Variants in ATP2A3 observed in about 807,000 individuals in gnomAD.
ATP2A3 encodes sarcoplasmic/endoplasmic reticulum calcium ATPase 3.
ATP2A3 carries 61 observed loss-of-function variants against 106.8 expected under a neutral mutation model. The ratio of observed to expected loss-of-function variants is 0.57; its 90% CI spans 0.46 to 0.71. ATP2A3 has a LOEUF of 0.71. Ranked by LOEUF, ATP2A3 falls within the 30% of genes least tolerant of loss-of-function variation. The pLI, the probability that ATP2A3 is intolerant of heterozygous loss-of-function variation, is 0.00. For synonymous variants in ATP2A3, 611 were observed against 609.3 expected, an observed-to-expected ratio of 1.00 and a Z score of -0.04; for missense variants, 1,201 against 1,423.5, an observed-to-expected ratio of 0.84 and a Z score of 2.52.
chr17:3,941,802 G>C (rs1597615685), intron 12 of ATP2A3, 148 bp from the exon 13 acceptor site: 1 of 831,790 alleles, frequency 1.2e-6, no homozygotes, highest in East Asian at 2.7e-5. Flanking sequence ...TCCATTCACT[G>C]AAAGTTCAGA....
chr17:3,937,167 T>C, intron 15 of ATP2A3: 1 of 555,196 alleles, frequency 1.8e-6, no homozygotes, highest in Non-Finnish European at 3.2e-6. Flanking sequence ...GCTGGAGGGC[T>C]GACAGGCGAC....
chr17:3,953,247 G>A lies in ATP2A3; in HGVS notation c.219+100C>T, dbSNP rs1236475486. 3 of 1,346,074 alleles carry A rather than the reference G, an allele frequency of 2.2e-6. No homozygotes were observed. Among genetic ancestry groups the A allele is most frequent in the Admixed American group, 1.7e-5 (1 of 59,546 alleles). 83.4% of individuals were successfully genotyped at this position (1,346,074 alleles called of 1,614,324 possible). A position where few individuals can be genotyped will look rare whatever the true frequency, so the allele number is the denominator to read the frequency against. On this transcript the variant is annotated intron_variant, in intron 3 of 20. Coordinates refer to ENST00000397041, the MANE Select transcript of ATP2A3 (RefSeq NM_005173.4). This position sits in a 1 kb window ranked among gnomAD's most constrained non-coding sequence, Gnocchi z 5.1. ...GGCCAGGGCGCAGGCCCAGGGTGTG[G>A]AGGACAGGCCCAGGCTCCAGGACCT...
chr17:3,958,671 C>T (rs974451731), intron 1 of ATP2A3, among the ~76,000 whole-genome samples: 1 of 150,540 alleles, frequency 6.6e-6, no homozygotes, highest in Admixed American at 6.7e-5. Context: ...TGTTGATAAT[C>T]CCGTTTTGCA....
chr17:3,928,723 A>G lies in ATP2A3; in HGVS notation c.2920T>C (p.Ser974Pro). ...TCATCCAGCAGGATGACAGGCAGAG[A>G]TATCTGGAGCACCACCACCCACTGG... ...GRQWVVVLQI[S>P]LPVILLDEAL... The change falls in exon 20 of 21, where the codon TCT (serine) becomes CCT (proline). Residue 974 changes from serine to proline, a missense_variant. Physicochemically the swap from Ser to Pro is moderately conservative, Grantham distance 74 (BLOSUM62 -1). Around this residue, in one of 2 missense-constraint regions of ATP2A3, gnomAD observed 935 missense variants for 1,176.7 expected, o/e 0.79. Coordinates refer to ENST00000397041, the MANE Select transcript of ATP2A3 (RefSeq NM_005173.4). This position sits in a 1 kb window ranked among gnomAD's most constrained non-coding sequence, Gnocchi z 6.1. 4 of 1,551,548 alleles carry G rather than the reference A, an allele frequency of 2.6e-6. No homozygotes were observed. Among genetic ancestry groups the G allele is most frequent in the Non-Finnish European group, 3.5e-6 (4 of 1,147,282 alleles).
intron 3 of ATP2A3, among the ~76,000 whole-genome samples, chr17:3,952,417 G>A (rs1230675572): frequency 1.3e-5 from 2 of 152,200 alleles, no homozygotes; most frequent in African/African-American, 4.8e-5. Context: ...TTAGCCAGGG[G>A]AGCATCAGTG....
Position 3,947,341 on chromosome 17 carries a change from G to A in ATP2A3, c.1095+50C>T. 6.2e-7 allele frequency: 1 copy of A among 1,605,422 alleles called. No homozygotes were observed. The highest frequency in any genetic ancestry group is 8.5e-7 in the Non-Finnish European group (1 of 1,173,812). ...GGTGGGGGAGAGACCCAGAGAGGGA[G>A]CCCAGCCTGCTCTGCAACGCACAGC... On this transcript the variant is annotated intron_variant, in intron 8 of 20. Coordinates refer to ENST00000397041, the MANE Select transcript of ATP2A3 (RefSeq NM_005173.4). The surrounding 1 kb of genome is among the most constrained non-coding windows in gnomAD (Gnocchi z 7.7).
intron 17 of ATP2A3, among the ~76,000 whole-genome samples, chr17:3,932,081 C>T: frequency 6.6e-6 from 1 of 152,194 alleles, no homozygotes; most frequent in East Asian, 1.9e-4. Context: ...GACGTTTTCT[C>T]CAAAACTCAA....
At chr17:3,951,558 G>GCCCCCCCC in intron 4 of ATP2A3, 23 bp downstream of exon 4, 1 of 716,228 alleles carries the variant, frequency 1.4e-6, no homozygotes, top group Non-Finnish European at 2.1e-6. Context: ...CCCCCGCCCG[G>GCCCCCCCC]TCCCACCCCC....
chr17:3,951,534 G>A, intron 4 of ATP2A3, 47 bp downstream of exon 4: 2 of 1,550,044 alleles, frequency 1.3e-6, no homozygotes, highest in Non-Finnish European at 1.7e-6. Context: ...CACTCCTAGT[G>A]GCTGGGAGAC....
intron 14 of ATP2A3, among the ~76,000 whole-genome samples, chr17:3,938,988 G>A (rs2053595194): frequency 6.6e-6 from 1 of 152,114 alleles, no homozygotes; most frequent in South Asian, 2.1e-4. Flanking sequence ...GCAACATAGG[G>A]AGACCTCATC....
At chr17:3,938,815 G>A (rs2053585473) in intron 14 of ATP2A3, among the ~76,000 whole-genome samples, 1 of 152,172 alleles carries the variant, frequency 6.6e-6, no homozygotes, top group African/African-American at 2.4e-5. Context: ...GGGATTACAG[G>A]CGTGAGCCAC....
rs751457925 is a variant in ATP2A3 at position 3,941,553 on chromosome 17, G to A, written c.1647C>T (p.Ile549=). 1.1e-5 allele frequency: 18 copies of A among 1,613,644 alleles called. No homozygotes were observed. Among genetic ancestry groups the A allele is most frequent in the Admixed American group, 1.7e-5 (1 of 60,012 alleles). ...PTSREQILAK[I]RDWGSGSDTL... is the part of the protein sequence containing the mutation. ...TGTCTGAGCCTGAGCCCCAATCCCG[G>A]ATCTTTGCCAGGATCTGCTCCCTGG... is the stretch of plus-strand genomic sequence containing the variant. Residue 549 remains isoleucine (I), a synonymous_variant, in exon 13 of 21, where the codon ATC becomes ATT. Coordinates refer to ENST00000397041, the MANE Select transcript of ATP2A3 (RefSeq NM_005173.4).
At position 3,941,640 on chromosome 17, in the gene ATP2A3, ACT is replaced by A; in HGVS notation, c.1558_1559del (p.Ser520CysfsTer6). 4 of 1,608,046 alleles carry A rather than the reference ACT, an allele frequency of 2.5e-6. No individual in the cohort carries two copies. Among genetic ancestry groups the A allele is most frequent in the Non-Finnish European group, 3.4e-6 (4 of 1,179,948 alleles). ...GGACTGAGCTACAGCGCTCGATCAC[ACT>A]CTCAGGAGCCCCCTGCGAGGTGGGG... ...SKMFVKGAPE[S>X]VIERCSSVRV... On this transcript the variant is annotated frameshift_variant, in exon 13 of 21. Transcript: ENST00000397041. LOFTEE classifies it high-confidence loss of function.
Position 3,951,200 on chromosome 17 carries a change from T to A in ATP2A3, c.463+51A>T, listed in dbSNP as rs552072570. On this transcript the variant is annotated intron_variant, in intron 5 of 20. Coordinates refer to ENST00000397041, the MANE Select transcript of ATP2A3 (RefSeq NM_005173.4). ...AAAATAAATAAATAAATAAATAAAA[T>A]AAATAAATAAATAAAATAAAATAAA... 3,531 of 1,210,068 alleles carry A rather than the reference T, an allele frequency of 2.9e-3. 72 individuals are homozygous for A. The African/African-American group carries it at 0.046, about 16-fold the overall frequency. The allele number at this position is 1,210,068 out of a possible 1,614,324, so 75.0% of individuals were successfully genotyped here. A position where few individuals can be genotyped will look rare whatever the true frequency, so the allele number is the denominator to read the frequency against.
At position 3,964,171 on chromosome 17, in the gene ATP2A3, C is replaced by A; in HGVS notation, c.118+3G>T. ...CCCGGCCCGGCCCGGCCCGCGCGCT[C>A]ACCGTTGGGGCCGTAGCGCTCCCGC... On this transcript the variant is annotated splice_donor_region_variant and intron_variant, in intron 1 of 20. Transcript: ENST00000397041. 1.7e-6 allele frequency: 2 copies of A among 1,170,242 alleles called. No homozygotes were observed. The highest frequency in any genetic ancestry group is 6.2e-5 in the South Asian group (2 of 32,332). The allele number at this position is 1,170,242 out of a possible 1,614,324, so 72.5% of individuals were successfully genotyped here. A position where few individuals can be genotyped will look rare whatever the true frequency, so the allele number is the denominator to read the frequency against.
rs745365063 is a variant in ATP2A3, at chr17:3,925,356, G to A, written c.*66C>T. On this transcript the variant is annotated 3_prime_UTR_variant, in exon 21 of 21. Coordinates refer to ENST00000397041, the MANE Select transcript of ATP2A3 (RefSeq NM_005173.4). This position sits in a 1 kb window ranked among gnomAD's most constrained non-coding sequence, Gnocchi z 4.2. Reference sequence around the variant, plus strand: ...GAGTGTGGTGGCAAGGGTGGGGGGCGGAGGCGAACACATGGGCACCATCAG... The same window carrying A: ...GAGTGTGGTGGCAAGGGTGGGGGGCAGAGGCGAACACATGGGCACCATCAG... The A allele has an allele frequency of 3.4e-5, 55 of 1,613,182 alleles. No individual in the cohort carries two copies. Among genetic ancestry groups the A allele is most frequent in the South Asian group, 2.1e-4 (19 of 90,998 alleles).
rs112130973 is a variant in ATP2A3 at position 3,950,627 on chromosome 17, A to G, written c.545-31T>C. 22 of 1,613,704 alleles carry G rather than the reference A, an allele frequency of 1.4e-5. No homozygotes were observed. In the African/African-American group the frequency reaches 1.6e-4, roughly 12 times the overall value. On this transcript the variant is annotated intron_variant, in intron 6 of 20. Transcript: ENST00000397041. ...CAGGGAATCAGAGATGAGAAGCCCCACATGAAGACACGCCCATCCCTTAGT... is the reference window on the plus strand; with the variant it reads ...CAGGGAATCAGAGATGAGAAGCCCCGCATGAAGACACGCCCATCCCTTAGT...
rs774830524 is a variant in ATP2A3, at chr17:3,951,242, C to T, written c.463+9G>A. ...TAAAATAAAATAAAAGGAGGAGGCC[C>T]CGGCATACCTGCCACTTCTACAATG... On this transcript the variant is annotated intron_variant, in intron 5 of 20. Transcript: ENST00000397041. 1.3e-6 allele frequency: 2 copies of T among 1,543,210 alleles called. No individual in the cohort carries two copies. The highest frequency in any genetic ancestry group is 1.4e-5 in the African/African-American group (1 of 72,886).
chr17:3,924,836 G>C lies in ATP2A3; in HGVS notation c.*586C>G, dbSNP rs1019639702. 1.1e-5 allele frequency: 5 copies of C among 456,626 alleles called. No individual in the cohort carries two copies. In the East Asian group the frequency reaches 2.1e-4, roughly 19 times the overall value. The allele number at this position is 456,626 out of a possible 1,614,324, so 28.3% of individuals were successfully genotyped here. A position where few individuals can be genotyped will look rare whatever the true frequency, so the allele number is the denominator to read the frequency against. ...TAAACAGAAGCAGCCTCGAGCTCTCGGGAGCCGACTTTGTGGAAGCAGAGT... is the reference window on the plus strand; with the variant it reads ...TAAACAGAAGCAGCCTCGAGCTCTCCGGAGCCGACTTTGTGGAAGCAGAGT... On this transcript the variant is annotated 3_prime_UTR_variant, in exon 21 of 21. Coordinates refer to ENST00000397041, the MANE Select transcript of ATP2A3 (RefSeq NM_005173.4). The surrounding 1 kb of genome is among the most constrained non-coding windows in gnomAD (Gnocchi z 6.4).
Sources: allele counts gnomAD v4.1 joint callset (sites outside exome capture counted in the v4.1 genomes callset), GRCh38; gene constraint gnomAD v4.1.1; regional missense constraint gnomAD v4.1.1; non-coding constraint Gnocchi (gnomAD v3.1); transcripts MANE v1.5; gene names NCBI Gene and HGNC (gene_info 2026-07-23, HGNC 2026-07-21).